The following FGD3 variants were observed in gnomAD, a reference collection of about 807,000 sequenced individuals.
FGD3 encodes the protein FYVE, RhoGEF and PH domain-containing protein 3.
In FGD3, 45 loss-of-function variants were observed where a neutral mutation model predicts 71.8. That is an observed-to-expected ratio of 0.63 (90% CI 0.49 to 0.80). FGD3 has a LOEUF of 0.80. Ranked by LOEUF, FGD3 falls within the 30% of genes least tolerant of loss-of-function variation. The pLI is 0.00. For missense variants in FGD3, 844 were observed against 951.5 expected, an observed-to-expected ratio of 0.89 and a Z score of 1.49; for synonymous variants, 378 against 392.8, an observed-to-expected ratio of 0.96 and a Z score of 0.44.
intron 1 of FGD3, among the ~76,000 whole-genome samples, chr9:92,963,403 G>A (rs1587813092): frequency 2.0e-5 from 3 of 152,226 alleles, no homozygotes; most frequent in South Asian, 2.1e-4. Context: ...GGGTTCGAGC[G>A]GTCCTCCCAC....
intron 1 of FGD3, among the ~76,000 whole-genome samples, chr9:92,960,298 A>G (rs1259369919): frequency 1.3e-5 from 2 of 151,070 alleles, no homozygotes; most frequent in Non-Finnish European, 3.0e-5. Context: ...GCATGTCTCC[A>G]TATCCCTCGT....
At chr9:92,980,667 GTTGT>G (rs1022507425) in intron 3 of FGD3, among the ~76,000 whole-genome samples, 2 of 151,556 alleles carry the variant, frequency 1.3e-5, no homozygotes, top group South Asian at 2.1e-4. Flanking sequence ...TTATCCATTG[GTTGT>G]TTAAGAATGT....
At chr9:92,987,352 A>T (rs562482685) in intron 3 of FGD3, among the ~76,000 whole-genome samples, 1 of 151,954 alleles carries the variant, frequency 6.6e-6, no homozygotes, top group African/African-American at 2.4e-5. Context: ...GAATGGTGTG[A>T]ACCCAGGAGG....
At chr9:93,010,621 G>A (rs1008440098) in intron 7 of FGD3, among the ~76,000 whole-genome samples, 2 of 134,816 alleles carry the variant, frequency 1.5e-5, no homozygotes, top group Non-Finnish European at 3.3e-5. Context: ...CAGAGGGGAG[G>A]AGAGAGAGAC....
At chr9:92,987,469 G>C (rs1328603164) in intron 3 of FGD3, among the ~76,000 whole-genome samples, 1 of 151,524 alleles carries the variant, frequency 6.6e-6, no homozygotes, top group African/African-American at 2.4e-5. Flanking sequence ...AAAAGAAAAA[G>C]CAGAGGAAAC....
intron 1 of FGD3, among the ~76,000 whole-genome samples, chr9:92,957,525 T>G (rs1859082513): frequency 6.6e-6 from 1 of 151,894 alleles, no homozygotes; most frequent in African/African-American, 2.4e-5. Flanking sequence ...ATGTTCCAGT[T>G]TTTTTTTCTC....
Position 92,976,620 on chromosome 9 carries a change from C to T in FGD3, c.364C>T (p.Pro122Ser), listed in dbSNP as rs1197125585. 3.1e-6 allele frequency: 5 copies of T among 1,612,734 alleles called. No homozygotes were observed. In the East Asian group the frequency reaches 6.7e-5, roughly 22 times the overall value. The change falls in exon 3 of 18, where the codon CCC (proline) becomes TCC (serine). Residue 122 changes from proline to serine, a missense_variant. Physicochemically the swap from Pro to Ser is moderately conservative, Grantham distance 74 (BLOSUM62 -1). Transcript: ENST00000375482. ...GGACAGCCAGGTCCCGAAGGTCACC[C>T]CCCAGGAGGAGGCGGACAGCGACGT... ...ALDSQVPKVTPQEEADSDVGE... is the reference protein window; with the variant it reads ...ALDSQVPKVTSQEEADSDVGE...
chr9:92,977,108 A>C (rs777108776), intron 3 of FGD3, among the ~76,000 whole-genome samples: 1 of 152,174 alleles, frequency 6.6e-6, no homozygotes, highest in African/African-American at 2.4e-5. Flanking sequence ...TGTTTTCCTC[A>C]ATGGGAAACT....
chr9:93,029,521 T>C (rs1333344058), intron 14 of FGD3, among the ~76,000 whole-genome samples: 2 of 152,224 alleles, frequency 1.3e-5, no homozygotes, highest in Non-Finnish European at 2.9e-5. Context: ...AGGCCATGGC[T>C]GTGCTGCCCA....
intron 3 of FGD3, among the ~76,000 whole-genome samples, chr9:92,980,745 G>A (rs74496393): frequency 0.063 from 9,518 of 150,868 alleles, 403 homozygotes; most frequent in East Asian, 0.17. Context: ...GCTGAGGCAG[G>A]TGGATTGCCT....
At chr9:92,951,679 AAATT>A (rs886216479) in intron 1 of FGD3, among the ~76,000 whole-genome samples, 6 of 152,202 alleles carry the variant, frequency 3.9e-5, no homozygotes, top group South Asian at 2.1e-4. Flanking sequence ...TGTCTCAAAA[AAATT>A]AATTAATTAA....
intron 1 of FGD3, among the ~76,000 whole-genome samples, chr9:92,972,622 G>A (rs1042153829): frequency 1.3e-5 from 2 of 152,110 alleles, no homozygotes; most frequent in Non-Finnish European, 2.9e-5. Flanking sequence ...GTTTTACATT[G>A]AGCTTCTTAG....
chr9:92,956,490 T>G (rs1365765024), intron 1 of FGD3, among the ~76,000 whole-genome samples: 2 of 152,030 alleles, frequency 1.3e-5, no homozygotes, highest in East Asian at 3.9e-4. Context: ...ATGACTGGTG[T>G]CCAAAAAGAA....
intron 1 of FGD3, among the ~76,000 whole-genome samples, chr9:92,966,253 C>T (rs964471313): frequency 1.3e-5 from 2 of 152,118 alleles, no homozygotes; most frequent in African/African-American, 4.8e-5. Context: ...GCAGGGCAGG[C>T]CCTGTGTGAA....
At chr9:92,959,740 A>G (rs1434112195) in intron 1 of FGD3, among the ~76,000 whole-genome samples, 2 of 151,330 alleles carry the variant, frequency 1.3e-5, no homozygotes, top group African/African-American at 2.4e-5. Flanking sequence ...CAGCCCTAAT[A>G]AGACTGTATA....
chr9:93,026,016 C>G (rs1177329668), intron 14 of FGD3, among the ~76,000 whole-genome samples: 1 of 152,246 alleles, frequency 6.6e-6, no homozygotes, highest in African/African-American at 2.4e-5. Flanking sequence ...GCCTGTGTCC[C>G]CTGCTGGGTC....
intron 1 of FGD3, among the ~76,000 whole-genome samples, chr9:92,954,985 G>T (rs1194470251): frequency 6.6e-6 from 1 of 152,218 alleles, no homozygotes; most frequent in Non-Finnish European, 1.5e-5. Context: ...TGGCGATATG[G>T]TGTCTATGTG....
At chr9:93,010,133 T>G in intron 6 of FGD3, 113 bp from the exon 7 acceptor site, 6 of 1,333,428 alleles carry the variant, frequency 4.5e-6, no homozygotes, top group Non-Finnish European at 6.2e-6. Flanking sequence ...GGACAGTCAG[T>G]TCTGGGCAGC....
Position 93,029,051 on chromosome 9 carries a change from G to GCT in FGD3, c.1558-820_1558-819dup, listed in dbSNP as rs1295274979. Among the ~76,000 whole-genome samples the GCT allele has an allele frequency of 8.3e-5, 9 of 109,046 alleles. No homozygotes were observed. The Admixed American group carries it at 8.3e-4, about 10-fold the overall frequency. 71.5% of individuals were successfully genotyped at this position (109,046 alleles called of 152,430 possible). Reference sequence around the variant, plus strand: ...TTTTTTTTTTTTGAGACAGAATCTCGCTCTATAGCCCAGGCTGGGGTGCAA... The same window carrying GCT: ...TTTTTTTTTTTTGAGACAGAATCTCGCTCTCTATAGCCCAGGCTGGGGTGCAA... On this transcript the variant is annotated intron_variant, in intron 14 of 17. Transcript: ENST00000375482.
Sources: gnomAD v4.1 joint callset for allele counts (sites outside exome capture counted in the v4.1 genomes callset) on GRCh38, gnomAD v4.1.1 for gene constraint, MANE v1.5 for transcripts, NCBI Gene and HGNC (gene_info 2026-07-23, HGNC 2026-07-21) for gene names.